The following NUGGC variants were observed in gnomAD, a reference collection of about 807,000 sequenced individuals.
The protein encoded by NUGGC is nuclear GTPase SLIP-GC.
Under a neutral mutation model 92.6 loss-of-function variants are expected in NUGGC, and 58 were observed. The ratio of observed to expected loss-of-function variants is 0.63; its 90% CI spans 0.51 to 0.78. The LOEUF (loss-of-function observed/expected upper bound fraction) is 0.78. Ranked by LOEUF, NUGGC falls within the 30% of genes least tolerant of loss-of-function variation. NUGGC has a pLI of 0.00. For missense variants in NUGGC, 925 were observed against 964.6 expected (o/e 0.96, Z 0.54); for synonymous variants, 376 against 366.4 (o/e 1.03, Z -0.30).
At chr8:28,050,325 T>C (rs7828565) in intron 10 of NUGGC, among the ~76,000 whole-genome samples, 33,393 of 150,174 alleles carry the variant, frequency 0.22, 4,052 homozygotes, top group African/African-American at 0.33. Context: ...GCAGATATTG[T>C]GGTAAGCCAA....
chr8:28,064,547 C>A lies in NUGGC; in HGVS notation c.896G>T (p.Ser299Ile). The A allele has an allele frequency of 1.9e-6, 3 of 1,614,050 alleles. No individual in the cohort carries two copies. Among genetic ancestry groups the A allele is most frequent in the East Asian group, 2.2e-5 (1 of 44,894 alleles). Residue 299 changes from serine (S) to isoleucine (I), a missense_variant, in exon 7 of 19, where the codon AGC (serine) becomes ATC (isoleucine). Transcript: ENST00000413272. Reference protein sequence around the residue: ...VDIPGTGDFNSKRDEMWKKTI... With the variant: ...VDIPGTGDFNIKRDEMWKKTI... ...CTTTTTCCACATCTCGTCCCTCTTG[C>A]TGTTGAAGTCGCCTGTGCCTGGGAT... is the stretch of plus-strand genomic sequence containing the variant.
At chr8:28,081,622 T>C (rs917375164) in intron 1 of NUGGC, among the ~76,000 whole-genome samples, 1 of 152,142 alleles carries the variant, frequency 6.6e-6, no homozygotes, top group Admixed American at 6.5e-5. Context: ...ATCACACCTG[T>C]AATCCCAACA....
At chr8:28,029,142 C>T in intron 17 of NUGGC, 124 bp downstream of exon 17, 1 of 941,428 alleles carries the variant, frequency 1.1e-6, no homozygotes, top group Non-Finnish European at 1.6e-6. Flanking sequence ...CAAGTCGAAG[C>T]CCCAGAAAGC....
intron 14 of NUGGC, among the ~76,000 whole-genome samples, chr8:28,031,878 A>G (rs1470482600): frequency 6.6e-6 from 1 of 152,266 alleles, no homozygotes; most frequent in Admixed American, 6.5e-5. Flanking sequence ...GAGAGAGCAC[A>G]AGCTTTAAAT....
At chr8:28,082,375 G>GGA in intron 1 of NUGGC, among the ~76,000 whole-genome samples, 1 of 152,172 alleles carries the variant, frequency 6.6e-6, no homozygotes, top group African/African-American at 2.4e-5. Flanking sequence ...CTAGCGAAAC[G>GGA]AATTTGAATC....
At chr8:28,030,054 A>C (rs924355320) in intron 16 of NUGGC, among the ~76,000 whole-genome samples, 1 of 152,146 alleles carries the variant, frequency 6.6e-6, no homozygotes, top group East Asian at 1.9e-4. Flanking sequence ...ACTGGATTCT[A>C]CAGCTAAATC....
intron 12 of NUGGC, among the ~76,000 whole-genome samples, chr8:28,042,041 G>C (rs1292710789): frequency 6.6e-6 from 1 of 152,138 alleles, no homozygotes; most frequent in Non-Finnish European, 1.5e-5. Context: ...TGAGTCTCAT[G>C]AGATCTGATG....
chr8:28,077,202 G>A (rs1317485491), intron 1 of NUGGC, among the ~76,000 whole-genome samples: 2 of 151,818 alleles, frequency 1.3e-5, no homozygotes, highest in Non-Finnish European at 2.9e-5. Context: ...AAACCTAGGT[G>A]AGCTACAAGA....
At chr8:28,055,716 C>T (rs1810116359) in intron 10 of NUGGC, among the ~76,000 whole-genome samples, 1 of 152,146 alleles carries the variant, frequency 6.6e-6, no homozygotes, top group Non-Finnish European at 1.5e-5. Flanking sequence ...GCCTATAGTC[C>T]CAGCTACTTG....
chr8:28,026,093 GC>G (rs1809252991), intron 18 of NUGGC, among the ~76,000 whole-genome samples: 1 of 152,106 alleles, frequency 6.6e-6, no homozygotes, highest in Non-Finnish European at 1.5e-5. Flanking sequence ...ATCATTTCAT[GC>G]CACTACCTAT....
intron 7 of NUGGC, among the ~76,000 whole-genome samples, chr8:28,064,217 G>A (rs988123624): frequency 6.6e-6 from 1 of 152,032 alleles, no homozygotes; most frequent in African/African-American, 2.4e-5. Context: ...CCAACACTTG[G>A]CCTCCCAGTT....
chr8:28,080,312 G>A (rs1810819996), intron 1 of NUGGC, among the ~76,000 whole-genome samples: 1 of 152,116 alleles, frequency 6.6e-6, no homozygotes, highest in South Asian at 2.1e-4. Context: ...GACTATCAGA[G>A]GAATACATTT....
chr8:28,075,451 AG>A (rs1488719702), intron 1 of NUGGC, among the ~76,000 whole-genome samples: 1 of 152,230 alleles, frequency 6.6e-6, no homozygotes, highest in East Asian at 1.9e-4. Context: ...CTGCCCAGAC[AG>A]GGTAGAATCT....
At chr8:28,064,130 TG>T (rs2130231644) in intron 7 of NUGGC, among the ~76,000 whole-genome samples, 1 of 152,340 alleles carries the variant, frequency 6.6e-6, no homozygotes, top group Non-Finnish European at 1.5e-5. Flanking sequence ...TCCAGCTCTA[TG>T]CTGATGCTGC....
intron 17 of NUGGC, among the ~76,000 whole-genome samples, chr8:28,027,589 G>C (rs1585550297): frequency 6.6e-6 from 1 of 152,112 alleles, no homozygotes; most frequent in East Asian, 1.9e-4. Flanking sequence ...TCCCTCTTCT[G>C]TTTCTGCCTC....
intron 13 of NUGGC, among the ~76,000 whole-genome samples, chr8:28,036,846 G>A (rs763644003): frequency 6.6e-6 from 1 of 152,164 alleles, no homozygotes; most frequent in East Asian, 1.9e-4. Context: ...AAATGGCTGC[G>A]CTTTAGTCAG....
rs150002826 is a variant in NUGGC, at chr8:28,049,980, G to A, written c.1207-2368C>T. On this transcript the variant is annotated intron_variant, in intron 10 of 18. Transcript: ENST00000413272. Reference sequence around the variant, plus strand: ...CACACGCCTGTAGTCCCAACTACTCGGGAGGCTGAAGCAGGAGAATTCCTT... The same window carrying A: ...CACACGCCTGTAGTCCCAACTACTCAGGAGGCTGAAGCAGGAGAATTCCTT... Among the ~76,000 whole-genome samples the A allele has an allele frequency of 6.7e-3, 1,015 of 152,224 alleles. 13 individuals carry two copies. Among genetic ancestry groups the A allele is most frequent in the African/African-American group, 0.023 (946 of 41,524 alleles).
At chr8:28,062,232 T>G (rs1810324675) in intron 7 of NUGGC, among the ~76,000 whole-genome samples, 1 of 152,148 alleles carries the variant, frequency 6.6e-6, no homozygotes, top group African/African-American at 2.4e-5. Flanking sequence ...GGATCCTGTC[T>G]CTCCTCTATA....
In NUGGC at chr8:28,027,797, C is replaced by T. The variant is rs73669171; in HGVS notation, c.2155-745G>A. Among the ~76,000 whole-genome samples the T allele has an allele frequency of 2.0e-3, 310 of 152,184 alleles. 2 individuals are homozygous for T. Among genetic ancestry groups the T allele is most frequent in the African/African-American group, 7.2e-3 (297 of 41,522 alleles). Reference sequence around the variant, plus strand: ...CTTCCTCATCTTTAAGATCAGGGAACGAGAGATTCACAGCTCCTAAACCAC... The same window carrying T: ...CTTCCTCATCTTTAAGATCAGGGAATGAGAGATTCACAGCTCCTAAACCAC... On this transcript the variant is annotated intron_variant, in intron 17 of 18. Coordinates refer to ENST00000413272, the MANE Select transcript of NUGGC (RefSeq NM_001010906.2).
Sources: gnomAD v4.1 joint callset for allele counts (sites outside exome capture counted in the v4.1 genomes callset) on GRCh38, gnomAD v4.1.1 for gene constraint, MANE v1.5 for transcripts, NCBI Gene and HGNC (gene_info 2026-07-23, HGNC 2026-07-21) for gene names.